The following AKT3 variants were observed in gnomAD, a reference collection of about 807,000 sequenced individuals.
AKT3 encodes AKT serine/threonine kinase 3, also known as RAC-gamma serine/threonine-protein kinase.
In AKT3, 15 loss-of-function variants were observed where a neutral mutation model predicts 65.3. The ratio of observed to expected loss-of-function variants is 0.23; its 90% CI spans 0.15 to 0.35. The LOEUF (loss-of-function observed/expected upper bound fraction) is 0.35. AKT3 is among the 10% of genes least tolerant of loss of function. The pLI, the probability that AKT3 is intolerant of heterozygous loss-of-function variation, is 1.00. For missense variants in AKT3, 243 were observed against 576.5 expected, an observed-to-expected ratio of 0.42 and a Z score of 5.92; for synonymous variants, 206 against 183.8, an observed-to-expected ratio of 1.12 and a Z score of -0.98.
intron 5 of AKT3, among the ~76,000 whole-genome samples, chr1:243,644,335 G>A (rs1680648676): frequency 6.6e-6 from 1 of 151,996 alleles, no homozygotes; most frequent in Non-Finnish European, 1.5e-5. Flanking sequence ...GTAAATTCTT[G>A]AAAAAACCAG....
At chr1:243,675,733 T>A (rs1303590976) in intron 3 of AKT3, among the ~76,000 whole-genome samples, 1 of 152,222 alleles carries the variant, frequency 6.6e-6, no homozygotes, top group Non-Finnish European at 1.5e-5. Context: ...CAGCATTTGA[T>A]GTTCTTGGCT....
chr1:243,701,231 GA>G (rs1685442886), intron 2 of AKT3, among the ~76,000 whole-genome samples: 1 of 152,334 alleles, frequency 6.6e-6, no homozygotes, highest in Admixed American at 6.5e-5. Flanking sequence ...GGAATATCTA[GA>G]TTTGTTCAGA....
intron 8 of AKT3, among the ~76,000 whole-genome samples, chr1:243,589,306 CAAAAAAAAA>C (rs758254217): frequency 2.4e-5 from 1 of 40,888 alleles, no homozygotes; most frequent in Non-Finnish European, 5.0e-5. Flanking sequence ...AACTCCATCT[CAAAAAAAAA>C]AAAAAAAAAG....
rs1674674886 is a variant in AKT3 at position 243,572,979 on chromosome 1, C to T, written c.766G>A (p.Val256Ile). The change falls in exon 9 of 14, where the codon GTC (valine) becomes ATC (isoleucine). Residue 256 changes from valine (V) to isoleucine (I), a missense_variant. Coordinates refer to ENST00000673466, the MANE Select transcript of AKT3 (RefSeq NM_005465.7). ...DRTRFYGAEI[V>I]SALDYLHSGK... Reference sequence around the variant, plus strand: ...GAATGTAGATAGTCCAAGGCAGAGACAATTTCTGCACCATAGAAACGTGTG... The same window carrying T: ...GAATGTAGATAGTCCAAGGCAGAGATAATTTCTGCACCATAGAAACGTGTG... The T allele has an allele frequency of 1.2e-6, 2 of 1,612,396 alleles. No homozygotes were observed. The highest frequency in any genetic ancestry group is 2.2e-5 in the East Asian group (1 of 44,830).
chr1:243,749,956 TG>T (rs1688700542), intron 2 of AKT3, among the ~76,000 whole-genome samples: 1 of 152,202 alleles, frequency 6.6e-6, no homozygotes, highest in Admixed American at 6.5e-5. Flanking sequence ...TGCTCTTGCT[TG>T]GCATCTAAAG....
At chr1:243,587,990 G>A (rs918696035) in intron 8 of AKT3, among the ~76,000 whole-genome samples, 1 of 152,078 alleles carries the variant, frequency 6.6e-6, no homozygotes, top group Admixed American at 6.5e-5. Context: ...CATGACGATG[G>A]TACCTGTTAC....
chr1:243,635,125 A>G (rs1679884254), intron 6 of AKT3, among the ~76,000 whole-genome samples: 1 of 151,986 alleles, frequency 6.6e-6, no homozygotes. Flanking sequence ...ATCTTCTCCA[A>G]CTACAACATG....
At chr1:243,743,091 G>T (rs1688262116) in intron 2 of AKT3, among the ~76,000 whole-genome samples, 1 of 152,192 alleles carries the variant, frequency 6.6e-6, no homozygotes, top group East Asian at 1.9e-4. Flanking sequence ...TCCAAAGGAA[G>T]TGCACGGAAG....
intron 2 of AKT3, among the ~76,000 whole-genome samples, chr1:243,730,035 G>A (rs1393638332): frequency 6.6e-6 from 1 of 152,142 alleles, no homozygotes; most frequent in Admixed American, 6.5e-5. Context: ...CAACCTTCAG[G>A]GCACACACAG....
At chr1:243,606,570 C>T (rs540260332) in intron 8 of AKT3, among the ~76,000 whole-genome samples, 12 of 152,096 alleles carry the variant, frequency 7.9e-5, no homozygotes, top group South Asian at 6.2e-4. Context: ...TTGAAGAGAA[C>T]GCGGAGAAGA....
Position 243,668,242 on chromosome 1 carries a change from T to A in AKT3, c.173-3359A>T, listed in dbSNP as rs572967664. Reference sequence around the variant, plus strand: ...CCAACAAAGAAGGTAATTTTGATGCTACCAAAAGATAATTTCTAAAGCAAT... The same window carrying A: ...CCAACAAAGAAGGTAATTTTGATGCAACCAAAAGATAATTTCTAAAGCAAT... On this transcript the variant is annotated intron_variant, in intron 3 of 13. Coordinates refer to ENST00000673466, the MANE Select transcript of AKT3 (RefSeq NM_005465.7). Among the ~76,000 whole-genome samples, 9 of 152,302 alleles carry A rather than the reference T, an allele frequency of 5.9e-5. No individual in the cohort carries two copies. In the South Asian group the frequency reaches 1.9e-3, roughly 32 times the overall value.
intron 2 of AKT3, among the ~76,000 whole-genome samples, chr1:243,748,283 G>C (rs1173223622): frequency 6.6e-6 from 1 of 151,890 alleles, no homozygotes; most frequent in Non-Finnish European, 1.5e-5. Context: ...TTCTAAACAT[G>C]ACCCTTTATT....
At chr1:243,730,413 C>CA (rs1687479269) in intron 2 of AKT3, among the ~76,000 whole-genome samples, 1 of 152,236 alleles carries the variant, frequency 6.6e-6, no homozygotes. Context: ...ACCCACCCAA[C>CA]AGTGGGCATG....
chr1:243,526,087 G>C (rs1574537307), intron 12 of AKT3, among the ~76,000 whole-genome samples: 1 of 151,816 alleles, frequency 6.6e-6, no homozygotes. Flanking sequence ...GAATTTCCCT[G>C]ATTGTGGGAG....
intron 10 of AKT3, among the ~76,000 whole-genome samples, chr1:243,562,968 A>T (rs1391346479): frequency 6.6e-6 from 1 of 152,180 alleles, no homozygotes; most frequent in Non-Finnish European, 1.5e-5. Flanking sequence ...AGTAACTGGA[A>T]CACCATCTAC....
chr1:243,652,047 C>CTT lies in AKT3; in HGVS notation c.285-6012_285-6011dup, dbSNP rs74162302. 6.5e-3 allele frequency among the ~76,000 whole-genome samples: 887 copies of CTT among 135,916 alleles called. 13 individuals are homozygous for CTT. The highest frequency in any genetic ancestry group is 8.0e-3 in the Non-Finnish European group (504 of 62,848). 89.2% of individuals were successfully genotyped at this position (135,916 alleles called of 152,430 possible). On this transcript the variant is annotated intron_variant, in intron 4 of 13. Transcript: ENST00000673466. ...CTCAACATCCTTAGAGAAAAGAATTCTTTTTTTTTTTTTTTTTCTGAGACG... is the reference window on the plus strand; with the variant it reads ...CTCAACATCCTTAGAGAAAAGAATTCTTTTTTTTTTTTTTTTTTTCTGAGACG...
chr1:243,678,880 C>A (rs2147967395), intron 3 of AKT3, among the ~76,000 whole-genome samples: 1 of 152,244 alleles, frequency 6.6e-6, no homozygotes, highest in Admixed American at 6.5e-5. Flanking sequence ...CTGAACGGCA[C>A]AATTCCACTT....
chr1:243,604,375 T>C (rs946691904), intron 8 of AKT3, among the ~76,000 whole-genome samples: 3 of 152,200 alleles, frequency 2.0e-5, no homozygotes, highest in Admixed American at 1.3e-4. Context: ...TCTAAATGAC[T>C]TGAGAGTGAA....
chr1:243,603,855 T>C (rs1400643777), intron 8 of AKT3, among the ~76,000 whole-genome samples: 1 of 152,028 alleles, frequency 6.6e-6, no homozygotes, highest in African/African-American at 2.4e-5. Flanking sequence ...TAAATATTAC[T>C]AGAATTTGCT....
Sources: allele counts gnomAD v4.1 joint callset (sites outside exome capture counted in the v4.1 genomes callset), GRCh38; gene constraint gnomAD v4.1.1; transcripts MANE v1.5; gene names NCBI Gene and HGNC (gene_info 2026-07-23, HGNC 2026-07-21).